Variants in ST18 observed in about 807,000 individuals in gnomAD.
ST18 encodes the protein suppression of tumorigenicity 18 protein.
In ST18, 50 loss-of-function variants were observed where a neutral mutation model predicts 110.0. The observed-to-expected ratio is 0.45, with a 90% CI of 0.36 to 0.58. The LOEUF (loss-of-function observed/expected upper bound fraction) is 0.58. ST18 is among the 20% of genes least tolerant of loss of function. The pLI, the probability that ST18 is intolerant of heterozygous loss-of-function variation, is 0.00. For missense variants in ST18, 1,306 were observed against 1,280.1 expected, an observed-to-expected ratio of 1.02 and a Z score of -0.31; for synonymous variants, 461 against 452.4, an observed-to-expected ratio of 1.02 and a Z score of -0.24.
intron 23 of ST18, among the ~76,000 whole-genome samples, chr8:52,119,052 C>G (rs2043629418): frequency 6.6e-6 from 1 of 152,088 alleles, no homozygotes; most frequent in Admixed American, 6.6e-5. Context: ...TCCACGTGGA[C>G]ATGGATGAGG....
chr8:52,383,048 T>A (rs780612835), intron 2 of ST18, among the ~76,000 whole-genome samples: 3 of 152,142 alleles, frequency 2.0e-5, no homozygotes, highest in Non-Finnish European at 2.9e-5. Flanking sequence ...TTCTTCTTCT[T>A]CTCTTCTTCT....
At chr8:52,314,313 A>G (rs1168499196) in intron 2 of ST18, among the ~76,000 whole-genome samples, 1 of 152,174 alleles carries the variant, frequency 6.6e-6, no homozygotes, top group African/African-American at 2.4e-5. Context: ...GAGGATACAG[A>G]TCTGGAGAAT....
chr8:52,243,000 T>C (rs2093563665), intron 2 of ST18, among the ~76,000 whole-genome samples: 1 of 152,154 alleles, frequency 6.6e-6, no homozygotes, highest in South Asian at 2.1e-4. Context: ...AATTACCTTA[T>C]GTTTCTATGT....
At chr8:52,335,809 C>T (rs1293017877) in intron 2 of ST18, among the ~76,000 whole-genome samples, 1 of 152,142 alleles carries the variant, frequency 6.6e-6, no homozygotes, top group Non-Finnish European at 1.5e-5. Flanking sequence ...TCTCTGTTCC[C>T]TCCTTTAATT....
intron 2 of ST18, among the ~76,000 whole-genome samples, chr8:52,266,072 GAA>G (rs2094857692): frequency 6.6e-6 from 1 of 152,192 alleles, no homozygotes; most frequent in African/African-American, 2.4e-5. Flanking sequence ...GTTGAGGATA[GAA>G]AAGATTATTG....
At chr8:52,251,169 G>A (rs2094285280) in intron 2 of ST18, among the ~76,000 whole-genome samples, 1 of 152,106 alleles carries the variant, frequency 6.6e-6, no homozygotes, top group Non-Finnish European at 1.5e-5. Flanking sequence ...TTGAAGTGTG[G>A]AAAGAGGAGA....
At chr8:52,348,225 A>T (rs1818613841) in intron 2 of ST18, among the ~76,000 whole-genome samples, 1 of 152,220 alleles carries the variant, frequency 6.6e-6, no homozygotes, top group African/African-American at 2.4e-5. Flanking sequence ...AATGATTTAC[A>T]AACCCCAGTT....
At chr8:52,213,865 C>T (rs1277933609) in intron 7 of ST18, among the ~76,000 whole-genome samples, 2 of 152,152 alleles carry the variant, frequency 1.3e-5, no homozygotes, top group African/African-American at 2.4e-5. Flanking sequence ...TGTCTTTTCC[C>T]TTGGCCATTA....
At chr8:52,282,456 G>A (rs1255593958) in intron 2 of ST18, among the ~76,000 whole-genome samples, 1 of 152,124 alleles carries the variant, frequency 6.6e-6, no homozygotes, top group African/African-American at 2.4e-5. Context: ...ACTACTGTGG[G>A]CAACGGGGGG....
At chr8:52,206,174 A>G (rs544345057) in intron 8 of ST18, among the ~76,000 whole-genome samples, 1 of 152,240 alleles carries the variant, frequency 6.6e-6, no homozygotes, top group Non-Finnish European at 1.5e-5. Flanking sequence ...ACATGAGTAA[A>G]TGCAGGTAAT....
intron 8 of ST18, among the ~76,000 whole-genome samples, chr8:52,200,130 TG>T (rs2077469088): frequency 6.6e-6 from 1 of 152,162 alleles, no homozygotes; most frequent in Non-Finnish European, 1.5e-5. Context: ...TTCTAGATGT[TG>T]TGGATATTAT....
At chr8:52,149,514 C>A (rs1444670937) in intron 16 of ST18, among the ~76,000 whole-genome samples, 1 of 152,220 alleles carries the variant, frequency 6.6e-6, no homozygotes, top group Non-Finnish European at 1.5e-5. Context: ...ATAAAATCTA[C>A]TATAGTGACA....
At chr8:52,391,504 C>T (rs190762394) in intron 2 of ST18, among the ~76,000 whole-genome samples, 3 of 152,298 alleles carry the variant, frequency 2.0e-5, no homozygotes, top group East Asian at 3.9e-4. Context: ...GGCCACATAA[C>T]AGTGGTCTCA....
Position 52,166,910 on chromosome 8 carries a change from G to T in ST18, c.1146C>A (p.Leu382=). The change falls in exon 11 of 26, where the codon CTC becomes CTA. Residue 382 remains leucine, a synonymous_variant. Transcript: ENST00000689386. ...CCGAAAGGCTGCGGTGGTGCGGGTA[G>T]AGCCCTGTCACGTGTCCCGTGCCAT... The part of the protein sequence containing the change: ...GCDGTGHVTG[L]YPHHRSLSGC... 5.0e-6 allele frequency: 8 copies of T among 1,612,260 alleles called. No homozygotes were observed. Among genetic ancestry groups the T allele is most frequent in the Non-Finnish European group, 6.8e-6 (8 of 1,178,658 alleles).
intron 17 of ST18, among the ~76,000 whole-genome samples, chr8:52,139,247 T>C (rs1175020581): frequency 6.6e-6 from 1 of 151,930 alleles, no homozygotes; most frequent in African/African-American, 2.4e-5. Flanking sequence ...GTATTCAGAG[T>C]GAGAGGTGTT....
At chr8:52,316,378 A>C (rs1030403356) in intron 2 of ST18, among the ~76,000 whole-genome samples, 3 of 152,222 alleles carry the variant, frequency 2.0e-5, no homozygotes, top group Non-Finnish European at 4.4e-5. Flanking sequence ...CCCAGCAGCA[A>C]TGAGAGTGCT....
chr8:52,280,760 A>C (rs1419677707), intron 2 of ST18, among the ~76,000 whole-genome samples: 1 of 152,090 alleles, frequency 6.6e-6, no homozygotes, highest in African/African-American at 2.4e-5. Context: ...CTCTAATAAA[A>C]TTGGACACAT....
At chr8:52,258,769 A>C (rs147255885) in intron 2 of ST18, among the ~76,000 whole-genome samples, 391 of 152,278 alleles carry the variant, frequency 2.6e-3, no homozygotes, top group African/African-American at 7.8e-3. Flanking sequence ...TATAGAGTTG[A>C]AGTGGCAAGA....
At chr8:52,131,888 C>T in intron 22 of ST18, 70 bp downstream of exon 22, 5 of 1,505,130 alleles carry the variant, frequency 3.3e-6, no homozygotes, top group Non-Finnish European at 4.5e-6. Context: ...GTTCACAACC[C>T]TCTCCCCAAG....
Sources: gnomAD v4.1 joint callset for allele counts (sites outside exome capture counted in the v4.1 genomes callset) on GRCh38, gnomAD v4.1.1 for gene constraint, MANE v1.5 for transcripts, NCBI Gene and HGNC (gene_info 2026-07-23, HGNC 2026-07-21) for gene names.